The following KCNIP1 variants were observed in gnomAD, a reference collection of about 807,000 sequenced individuals.
The protein encoded by KCNIP1 is A-type potassium channel modulatory protein KCNIP1.
A neutral mutation model predicts 33.0 loss-of-function variants in KCNIP1; 18 were observed. The ratio of observed to expected loss-of-function variants is 0.55; its 90% CI spans 0.38 to 0.81. The LOEUF (loss-of-function observed/expected upper bound fraction) is 0.81, where lower values mean the gene tolerates loss of function less well. Among genes scored for constraint, KCNIP1 ranks in the 30% least tolerant of loss-of-function variants. The pLI is 0.00. For missense variants in KCNIP1, 238 were observed against 271.6 expected, an observed-to-expected ratio of 0.88 and a Z score of 0.87; for synonymous variants, 93 against 98.3, an observed-to-expected ratio of 0.95 and a Z score of 0.32.
intron 1 of KCNIP1, among the ~76,000 whole-genome samples, chr5:170,677,593 C>T (rs147109839): frequency 1.7e-3 from 257 of 152,204 alleles, no homozygotes; most frequent in Non-Finnish European, 2.0e-3. Flanking sequence ...GTTTCCAAGA[C>T]GCCTGGGGGA....
At chr5:170,503,746 A>ACGCACGCACAT (rs1421362966), upstream of KCNIP1, among the ~76,000 whole-genome samples, 15 of 144,164 alleles carry the variant, frequency 1.0e-4, no homozygotes, top group Non-Finnish European at 2.1e-4. Flanking sequence ...ACACACACAC[A>ACGCACGCACAT]CACACACACA....
At chr5:170,436,935 A>G (rs1345161841) in intron 1 of KCNIP1, among the ~76,000 whole-genome samples, 1 of 152,216 alleles carries the variant, frequency 6.6e-6, no homozygotes, top group Non-Finnish European at 1.5e-5. Context: ...CACCTGTAAC[A>G]AAAGACAGAC....
intron 1 of KCNIP1, among the ~76,000 whole-genome samples, chr5:170,597,944 C>T (rs779908303): frequency 2.0e-5 from 3 of 151,992 alleles, no homozygotes; most frequent in Non-Finnish European, 4.4e-5. Context: ...TGTTTGAAAA[C>T]TCTGTCCGGA....
intron 7 of KCNIP1, among the ~76,000 whole-genome samples, chr5:170,735,173 C>A (rs759498921): frequency 2.0e-5 from 3 of 152,050 alleles, no homozygotes; most frequent in Admixed American, 6.6e-5. Context: ...TGAAAGAGAG[C>A]GCTTTGGGGG....
At chr5:170,399,251 T>C (rs1403547319) in intron 1 of KCNIP1, among the ~76,000 whole-genome samples, 2 of 152,232 alleles carry the variant, frequency 1.3e-5, no homozygotes, top group Non-Finnish European at 2.9e-5. Context: ...TGCTGGGAGA[T>C]GCTCTGTATG....
chr5:170,694,009 T>C (rs1182360323), intron 1 of KCNIP1, among the ~76,000 whole-genome samples: 2 of 152,150 alleles, frequency 1.3e-5, no homozygotes, highest in Non-Finnish European at 2.9e-5. Flanking sequence ...CTAGCCTAGG[T>C]AGAATCTTGG....
chr5:170,500,733 C>T (rs371740153), upstream of KCNIP1, among the ~76,000 whole-genome samples: 126 of 152,280 alleles, frequency 8.3e-4, 1 homozygote, highest in South Asian at 0.011. Context: ...ACAGTGGGCA[C>T]GTGCGTATGT....
chr5:170,639,863 T>C (rs1760469184), intron 1 of KCNIP1, among the ~76,000 whole-genome samples: 1 of 152,224 alleles, frequency 6.6e-6, no homozygotes, highest in African/African-American at 2.4e-5. Flanking sequence ...AAACATTATT[T>C]TGCATCACAG....
chr5:170,693,789 G>A (rs1013618443), intron 1 of KCNIP1, among the ~76,000 whole-genome samples: 5 of 152,146 alleles, frequency 3.3e-5, no homozygotes, highest in African/African-American at 1.2e-4. Context: ...TTTTTATCTC[G>A]GGCTTGGAGG....
chr5:170,483,028 C>T (rs1757009144), intron 1 of KCNIP1: 2 of 448,532 alleles, frequency 4.5e-6, no homozygotes, highest in Non-Finnish European at 8.9e-6. Context: ...GTGGAAGAAA[C>T]AGCCTTTCTT....
chr5:170,428,867 G>A (rs1305719443), intron 1 of KCNIP1, among the ~76,000 whole-genome samples: 1 of 152,144 alleles, frequency 6.6e-6, no homozygotes, highest in Non-Finnish European at 1.5e-5. Flanking sequence ...ACAGTCTGCT[G>A]TGAGGGCTAA....
chr5:170,681,711 C>T (rs536746947), intron 1 of KCNIP1, among the ~76,000 whole-genome samples: 1 of 152,178 alleles, frequency 6.6e-6, no homozygotes, highest in Admixed American at 6.5e-5. Context: ...CCAAAGCCAC[C>T]TCCTCAGCTC....
At chr5:170,481,474 T>G (rs1756975357) in intron 1 of KCNIP1, among the ~76,000 whole-genome samples, 1 of 152,228 alleles carries the variant, frequency 6.6e-6, no homozygotes, top group Non-Finnish European at 1.5e-5. Context: ...TTCACATTAG[T>G]GTTCCCAGTT....
intron 1 of KCNIP1, among the ~76,000 whole-genome samples, chr5:170,404,289 G>A (rs1025979111): frequency 3.9e-5 from 6 of 152,080 alleles, no homozygotes; most frequent in South Asian, 2.1e-4. Flanking sequence ...TGTACTATGT[G>A]CATTTATAAA....
At chr5:170,725,551 A>C (rs1763979973) in intron 5 of KCNIP1, among the ~76,000 whole-genome samples, 1 of 152,160 alleles carries the variant, frequency 6.6e-6, no homozygotes, top group South Asian at 2.1e-4. Flanking sequence ...GGAAGTTAGG[A>C]TAGTCAATGG....
At chr5:170,405,607 T>A (rs1258424343) in intron 1 of KCNIP1, among the ~76,000 whole-genome samples, 1 of 152,228 alleles carries the variant, frequency 6.6e-6, no homozygotes, top group Non-Finnish European at 1.5e-5. Flanking sequence ...GCCAGGAAGC[T>A]GGAATGAAGC....
chr5:170,714,039 G>T (rs925376793), intron 1 of KCNIP1, among the ~76,000 whole-genome samples: 2 of 149,910 alleles, frequency 1.3e-5, no homozygotes, highest in Admixed American at 6.6e-5. Flanking sequence ...AAAAAAAAAA[G>T]CTAGATGGGT....
rs930885153 is a variant in KCNIP1, at chr5:170,621,432, G to C, written c.62-97326G>C. On this transcript the variant is annotated intron_variant, in intron 1 of 7. Transcript: ENST00000328939. ...CACTTGTCCCCACAGAGTGTGGTGT[G>C]GGGGAGATCTGTGAGCACCCCAGCA... 3.9e-5 allele frequency among the ~76,000 whole-genome samples: 6 copies of C among 152,308 alleles called. No homozygotes were observed. In the East Asian group the frequency reaches 1.2e-3, roughly 29 times the overall value.
chr5:170,690,208 T>C (rs1054965427), intron 1 of KCNIP1, among the ~76,000 whole-genome samples: 1 of 152,172 alleles, frequency 6.6e-6, no homozygotes. Flanking sequence ...CACCTTGGAA[T>C]GCATTTGGGG....
Sources: allele counts gnomAD v4.1 joint callset (sites outside exome capture counted in the v4.1 genomes callset), GRCh38; gene constraint gnomAD v4.1.1; transcripts MANE v1.5; gene names NCBI Gene and HGNC (gene_info 2026-07-23, HGNC 2026-07-21).